Variants in LHFPL3 observed in about 807,000 individuals in gnomAD.
The protein encoded by LHFPL3 is LHFPL tetraspan subfamily member 3 protein.
In LHFPL3, 5 loss-of-function variants were observed where a neutral mutation model predicts 19.3. The ratio of observed to expected loss-of-function variants is 0.26; its 90% confidence interval spans 0.14 to 0.54. LHFPL3 has a LOEUF of 0.54. Ranked by LOEUF, LHFPL3 falls within the 20% of genes least tolerant of loss-of-function variation. LHFPL3 has a pLI of 0.94. For synonymous variants in LHFPL3, 133 were observed against 126.2 expected, an observed-to-expected ratio of 1.05 and a Z score of -0.36; for missense variants, 249 against 307.4, an observed-to-expected ratio of 0.81 and a Z score of 1.42.
chr7:104,366,379 C>T (rs1351032272), intron 1 of LHFPL3, among the ~76,000 whole-genome samples: 2 of 152,160 alleles, frequency 1.3e-5, no homozygotes, highest in African/African-American at 4.8e-5. Flanking sequence ...TATCCCAGAC[C>T]TTAGCATGTT....
intron 1 of LHFPL3, among the ~76,000 whole-genome samples, chr7:104,724,063 T>C (rs1039711107): frequency 2.0e-5 from 3 of 152,340 alleles, no homozygotes; most frequent in South Asian, 4.1e-4. Flanking sequence ...ATTTAAACTT[T>C]CGTTGACTGA....
chr7:104,628,746 A>G (rs1374379359), intron 1 of LHFPL3, among the ~76,000 whole-genome samples: 2 of 152,216 alleles, frequency 1.3e-5, no homozygotes, highest in Non-Finnish European at 2.9e-5. Context: ...CCATTTTCAT[A>G]GAACTTTTCT....
rs148974546 is a variant in LHFPL3, at chr7:104,411,955, C to T, written c.445+82731C>T. 5.3e-5 allele frequency among the ~76,000 whole-genome samples: 8 copies of T among 152,198 alleles called. No homozygotes were observed. In the East Asian group the frequency reaches 1.5e-3, roughly 29 times the overall value. On this transcript the variant is annotated intron_variant, in intron 1 of 2. Transcript: ENST00000424859. ...TAGGACTAAAGTTTTCCTTGCAAATCTCCCGTCCGACTGTGTGCTCTTTAT... is the reference window on the plus strand; with the variant it reads ...TAGGACTAAAGTTTTCCTTGCAAATTTCCCGTCCGACTGTGTGCTCTTTAT...
chr7:104,367,177 T>A (rs1326404442), intron 1 of LHFPL3, among the ~76,000 whole-genome samples: 2 of 152,180 alleles, frequency 1.3e-5, no homozygotes, highest in Non-Finnish European at 2.9e-5. Context: ...GTTCCAATGA[T>A]AAAACTAAAA....
At chr7:104,522,476 T>G (rs1794090447) in intron 1 of LHFPL3, among the ~76,000 whole-genome samples, 1 of 151,748 alleles carries the variant, frequency 6.6e-6, no homozygotes, top group East Asian at 1.9e-4. Context: ...GCATGGCACA[T>G]GTATACAAAT....
chr7:104,714,683 A>G (rs1239867357), intron 1 of LHFPL3, among the ~76,000 whole-genome samples: 1 of 152,200 alleles, frequency 6.6e-6, no homozygotes, highest in Non-Finnish European at 1.5e-5. Context: ...AGATTTTGTT[A>G]TCTGGAACCC....
In LHFPL3 at chr7:104,614,680, CTTCT is replaced by C. The variant is rs60085377; in HGVS notation, c.446-121938_446-121935del. Among the ~76,000 whole-genome samples the C allele has an allele frequency of 3.5e-3, 327 of 94,398 alleles. 2 individuals carry two copies. The highest frequency in any genetic ancestry group is 0.011 in the African/African-American group (254 of 23,274). The allele number at this position is 94,398 out of a possible 152,430, so 61.9% of individuals were successfully genotyped here. On this transcript the variant is annotated intron_variant, in intron 1 of 2. Coordinates refer to ENST00000424859, the MANE Select transcript of LHFPL3 (RefSeq NM_199000.3). ...CCTTCCTTCCTTCCTTCCTTCCTTCCTTCTTTCTTTCTTTCTTTCTTTCTTTCTT... is the reference window on the plus strand; with the variant it reads ...CCTTCCTTCCTTCCTTCCTTCCTTCCTTCTTTCTTTCTTTCTTTCTTTCTT...
chr7:104,667,127 C>A (rs1305308058), intron 1 of LHFPL3, among the ~76,000 whole-genome samples: 1 of 152,014 alleles, frequency 6.6e-6, no homozygotes, highest in Non-Finnish European at 1.5e-5. Context: ...TATAAGAGTT[C>A]TTTTTTCTCT....
intron 1 of LHFPL3, among the ~76,000 whole-genome samples, chr7:104,456,914 A>G (rs566851496): frequency 6.6e-6 from 1 of 152,262 alleles, no homozygotes; most frequent in South Asian, 2.1e-4. Context: ...GGAATTTTCT[A>G]TTGAATATTT....
At chr7:104,873,740 T>C (rs1791880054) in intron 2 of LHFPL3, among the ~76,000 whole-genome samples, 1 of 152,256 alleles carries the variant, frequency 6.6e-6, no homozygotes, top group African/African-American at 2.4e-5. Context: ...TCCGTCTGTA[T>C]ACATTTCCAA....
At chr7:104,617,500 T>C (rs1791368699) in intron 1 of LHFPL3, among the ~76,000 whole-genome samples, 1 of 152,208 alleles carries the variant, frequency 6.6e-6, no homozygotes, top group African/African-American at 2.4e-5. Context: ...CATTATTTTG[T>C]TTTCGCTAGA....
At chr7:104,384,799 A>AG (rs1388919346) in intron 1 of LHFPL3, among the ~76,000 whole-genome samples, 24 of 144,974 alleles carry the variant, frequency 1.7e-4, no homozygotes, top group South Asian at 4.3e-4. Flanking sequence ...AAAAAAAAAA[A>AG]AAAAAAAAAA....
At position 104,418,921 on chromosome 7, in the gene LHFPL3, G is replaced by A. The variant is rs1474173530; in HGVS notation, c.445+89697G>A. On this transcript the variant is annotated intron_variant, in intron 1 of 2. Coordinates refer to ENST00000424859, the MANE Select transcript of LHFPL3 (RefSeq NM_199000.3). ...CACTGCACATGTGTTATCTAAATGCGAAGAGCAATCCTATGAGACAAGTAC... is the reference window on the plus strand; with the variant it reads ...CACTGCACATGTGTTATCTAAATGCAAAGAGCAATCCTATGAGACAAGTAC... Among the ~76,000 whole-genome samples, 9 of 152,338 alleles carry A rather than the reference G, an allele frequency of 5.9e-5. No homozygotes were observed. The South Asian group carries it at 1.7e-3, about 28-fold the overall frequency.
chr7:104,473,476 A>G (rs985716376), intron 1 of LHFPL3, among the ~76,000 whole-genome samples: 4 of 152,340 alleles, frequency 2.6e-5, no homozygotes, highest in Non-Finnish European at 5.9e-5. Context: ...TCCCTGTCTC[A>G]TTATTTACCA....
chr7:104,824,715 TATA>T (rs1398419835), intron 2 of LHFPL3, among the ~76,000 whole-genome samples: 1 of 100,280 alleles, frequency 1.0e-5, no homozygotes, highest in Admixed American at 1.7e-4. Context: ...TATATATAAT[TATA>T]TATATATTTT....
intron 1 of LHFPL3, among the ~76,000 whole-genome samples, chr7:104,331,461 A>G (rs1289002130): frequency 6.6e-6 from 1 of 152,224 alleles, no homozygotes; most frequent in Non-Finnish European, 1.5e-5. Context: ...AGTGAAGTAT[A>G]TTAATAAAAG....
intron 1 of LHFPL3, among the ~76,000 whole-genome samples, chr7:104,523,853 C>T (rs1794130247): frequency 6.6e-6 from 1 of 152,106 alleles, no homozygotes; most frequent in African/African-American, 2.4e-5. Flanking sequence ...GGCAATGCTC[C>T]TCAGGAAGGT....
chr7:104,564,221 T>C (rs1051230697), intron 1 of LHFPL3, among the ~76,000 whole-genome samples: 6 of 152,338 alleles, frequency 3.9e-5, no homozygotes, highest in African/African-American at 1.2e-4. Flanking sequence ...CACCATGTTA[T>C]GGGTTCTATT....
chr7:104,763,014 C>T (rs1794401883), intron 2 of LHFPL3, among the ~76,000 whole-genome samples: 1 of 152,146 alleles, frequency 6.6e-6, no homozygotes, highest in Admixed American at 6.5e-5. Flanking sequence ...GGACAGGGCA[C>T]CAGACATTGT....
Sources: allele counts gnomAD v4.1 joint callset (sites outside exome capture counted in the v4.1 genomes callset), GRCh38; gene constraint gnomAD v4.1.1; transcripts MANE v1.5; gene names NCBI Gene and HGNC (gene_info 2026-07-23, HGNC 2026-07-21).